Variants in TBC1D5 observed in about 807,000 individuals in gnomAD.
The protein encoded by TBC1D5 is TBC1 domain family member 5.
TBC1D5 carries 75 observed loss-of-function variants against 100.3 expected under a neutral mutation model. The ratio of observed to expected loss-of-function variants is 0.75; its 90% confidence interval spans 0.62 to 0.91. The LOEUF (loss-of-function observed/expected upper bound fraction) is 0.91. Among genes scored for constraint, TBC1D5 ranks in the 40% least tolerant of loss-of-function variants. The pLI, the probability that TBC1D5 is intolerant of heterozygous loss-of-function variation, is 0.00. For missense variants in TBC1D5, 910 were observed against 942.4 expected (o/e 0.97, Z 0.45); for synonymous variants, 323 against 325.6 (o/e 0.99, Z 0.09).
chr3:17,442,955 G>A (rs1374624867), intron 3 of TBC1D5, among the ~76,000 whole-genome samples: 3 of 151,832 alleles, frequency 2.0e-5, no homozygotes, highest in Non-Finnish European at 4.4e-5. Flanking sequence ...AAGGGAAGGG[G>A]AGGAAAGGGA....
intron 18 of TBC1D5, among the ~76,000 whole-genome samples, chr3:17,201,567 C>T (rs567407041): frequency 6.6e-6 from 1 of 152,202 alleles, no homozygotes; most frequent in Admixed American, 6.5e-5. Flanking sequence ...CTGCCCAAAT[C>T]TCATCTTGAA....
At chr3:17,591,869 G>T (rs1402684151) in intron 2 of TBC1D5, among the ~76,000 whole-genome samples, 3 of 152,172 alleles carry the variant, frequency 2.0e-5, no homozygotes, top group Non-Finnish European at 2.9e-5. Flanking sequence ...CATCATCAAG[G>T]ACTTCAAAGA....
At chr3:17,290,578 A>G (rs1343136769) in intron 15 of TBC1D5, among the ~76,000 whole-genome samples, 1 of 152,226 alleles carries the variant, frequency 6.6e-6, no homozygotes, top group East Asian at 1.9e-4. Context: ...ATTTGCCCTA[A>G]GTCTGTAGAT....
At chr3:17,415,710 G>A in intron 4 of TBC1D5, among the ~76,000 whole-genome samples, 1 of 152,218 alleles carries the variant, frequency 6.6e-6, no homozygotes, top group Non-Finnish European at 1.5e-5. Flanking sequence ...TAGAAATGAA[G>A]TGAGAAAAGG....
At chr3:17,353,567 CTAAG>C (rs1268351303) in intron 13 of TBC1D5, among the ~76,000 whole-genome samples, 1 of 152,058 alleles carries the variant, frequency 6.6e-6, no homozygotes, top group Non-Finnish European at 1.5e-5. Context: ...TAAATATAGA[CTAAG>C]TAACTATCTT....
intron 13 of TBC1D5, among the ~76,000 whole-genome samples, chr3:17,317,882 T>C (rs912782271): frequency 6.6e-6 from 1 of 152,110 alleles, no homozygotes; most frequent in African/African-American, 2.4e-5. Flanking sequence ...ACTGGGTATA[T>C]ACCCAAAGGA....
At chr3:17,594,240 C>T (rs1161889553) in intron 2 of TBC1D5, among the ~76,000 whole-genome samples, 1 of 152,154 alleles carries the variant, frequency 6.6e-6, no homozygotes, top group African/African-American at 2.4e-5. Flanking sequence ...TGTACTACTC[C>T]ACAACAGAGG....
chr3:17,549,055 T>C (rs1008148120), intron 2 of TBC1D5, among the ~76,000 whole-genome samples: 1 of 152,146 alleles, frequency 6.6e-6, no homozygotes, highest in Non-Finnish European at 1.5e-5. Flanking sequence ...CCCAGCACTT[T>C]GGGAGGCGGA....
intron 3 of TBC1D5, among the ~76,000 whole-genome samples, chr3:17,496,022 T>C (rs1053985005): frequency 2.6e-5 from 4 of 152,216 alleles, no homozygotes; most frequent in Non-Finnish European, 4.4e-5. Context: ...TTTAGTTACA[T>C]TCTTGCAAAC....
At chr3:17,660,732 C>A (rs2066560608) in intron 1 of TBC1D5, among the ~76,000 whole-genome samples, 3 of 152,148 alleles carry the variant, frequency 2.0e-5, no homozygotes, top group Non-Finnish European at 4.4e-5. Context: ...AGATAAAGCC[C>A]TAGAAGCTCC....
At chr3:17,267,687 A>T (rs1405908680) in intron 15 of TBC1D5, among the ~76,000 whole-genome samples, 1 of 152,074 alleles carries the variant, frequency 6.6e-6, no homozygotes, top group Non-Finnish European at 1.5e-5. Context: ...TGGACTGAGA[A>T]CTCTGATTTG....
intron 13 of TBC1D5, among the ~76,000 whole-genome samples, chr3:17,363,830 C>A (rs1408617468): frequency 1.3e-5 from 2 of 151,564 alleles, no homozygotes; most frequent in African/African-American, 4.8e-5. Flanking sequence ...TGATTTCTTA[C>A]CAAATTTAGG....
At chr3:17,357,788 C>A (rs150510049) in intron 13 of TBC1D5, among the ~76,000 whole-genome samples, 2 of 152,248 alleles carry the variant, frequency 1.3e-5, no homozygotes, top group East Asian at 3.9e-4. Flanking sequence ...TTTTCTGTTG[C>A]GTTCCATTGA....
chr3:17,410,976 T>C (rs1286597069), intron 4 of TBC1D5, among the ~76,000 whole-genome samples: 1 of 152,156 alleles, frequency 6.6e-6, no homozygotes. Context: ...AGTTCTACTC[T>C]GGGTAAGATG....
intron 1 of TBC1D5, among the ~76,000 whole-genome samples, chr3:17,649,735 C>T (rs1026163687): frequency 1.8e-4 from 28 of 152,148 alleles, no homozygotes; most frequent in Non-Finnish European, 2.9e-4. Flanking sequence ...GACAGTGTGG[C>T]GATCCCTCAA....
At chr3:17,483,771 G>C (rs1384740641) in intron 3 of TBC1D5, among the ~76,000 whole-genome samples, 1 of 152,060 alleles carries the variant, frequency 6.6e-6, no homozygotes, top group African/African-American at 2.4e-5. Flanking sequence ...AGTTACTTGT[G>C]ATGTTAATTT....
chr3:17,194,928 G>A (rs2070451637), intron 18 of TBC1D5, among the ~76,000 whole-genome samples: 1 of 152,116 alleles, frequency 6.6e-6, no homozygotes, highest in Non-Finnish European at 1.5e-5. Context: ...AAGTAAATAA[G>A]CTTACAATCT....
intron 2 of TBC1D5, among the ~76,000 whole-genome samples, chr3:17,555,169 T>C (rs1340625439): frequency 1.3e-5 from 2 of 152,154 alleles, no homozygotes; most frequent in East Asian, 1.9e-4. Flanking sequence ...TTTTTTCTAA[T>C]GCAAGTTGAC....
chr3:17,450,737 A>G (rs746463264), intron 3 of TBC1D5, among the ~76,000 whole-genome samples: 10 of 152,226 alleles, frequency 6.6e-5, no homozygotes, highest in Non-Finnish European at 1.0e-4. Context: ...CGCCTATGTG[A>G]AAAGACCAAA....
Sources: gnomAD v4.1 joint callset for allele counts (sites outside exome capture counted in the v4.1 genomes callset) on GRCh38, gnomAD v4.1.1 for gene constraint, MANE v1.5 for transcripts, NCBI Gene and HGNC (gene_info 2026-07-23, HGNC 2026-07-21) for gene names.